Variants in SGCZ observed in about 807,000 individuals in gnomAD.
SGCZ encodes the protein zeta-sarcoglycan.
In SGCZ, 40 loss-of-function variants were observed where a neutral mutation model predicts 41.3. The ratio of observed to expected loss-of-function variants is 0.97; its 90% CI spans 0.75 to 1.26. The LOEUF is 1.26. SGCZ is among the 50% of genes most tolerant of loss of function. SGCZ has a pLI of 0.00. For missense variants in SGCZ, 552 were observed against 369.8 expected (o/e 1.49, Z -4.04); for synonymous variants, 206 against 137.5 (o/e 1.50, Z -3.49).
intron 1 of SGCZ, among the ~76,000 whole-genome samples, chr8:14,590,604 T>C (rs2117283483): frequency 6.6e-6 from 1 of 150,636 alleles, no homozygotes; most frequent in African/African-American, 2.4e-5. Flanking sequence ...TTAAAGTGTA[T>C]TTTATAACAA....
intron 3 of SGCZ, among the ~76,000 whole-genome samples, chr8:14,310,675 A>G (rs773985438): frequency 6.6e-6 from 1 of 152,110 alleles, no homozygotes; most frequent in Non-Finnish European, 1.5e-5. Flanking sequence ...GTGTACAGTG[A>G]ATTGTCTTTT....
At chr8:15,168,461 TC>T (rs1369042134) in intron 1 of SGCZ, among the ~76,000 whole-genome samples, 1 of 151,606 alleles carries the variant, frequency 6.6e-6, no homozygotes, top group East Asian at 1.9e-4. Flanking sequence ...ATTCTCTAGC[TC>T]CCCCCACAAC....
intron 1 of SGCZ, among the ~76,000 whole-genome samples, chr8:14,678,989 A>G (rs1435475052): frequency 6.6e-6 from 1 of 152,202 alleles, no homozygotes; most frequent in Non-Finnish European, 1.5e-5. Flanking sequence ...TCAAGGACAG[A>G]CAGCACGTAT....
Position 15,130,314 on chromosome 8 carries a change from T to C in SGCZ, c.39+107271A>G, listed in dbSNP as rs114718227. ...TAGGGGGAAGCCACTTGACGGGAAG[T>C]AATCTGCAGGCTCAGCACTTGGTGC... is the stretch of plus-strand genomic sequence containing the variant. On this transcript the variant is annotated intron_variant, in intron 1 of 7. Transcript: ENST00000382080. Among the ~76,000 whole-genome samples the C allele has an allele frequency of 4.7e-3, 714 of 152,290 alleles. 3 individuals carry two copies. The highest frequency in any genetic ancestry group is 0.017 in the African/African-American group (686 of 41,562).
chr8:14,586,546 T>C (rs1247770998), intron 1 of SGCZ, among the ~76,000 whole-genome samples: 1 of 152,136 alleles, frequency 6.6e-6, no homozygotes, highest in Non-Finnish European at 1.5e-5. Context: ...TTTTAAATAT[T>C]ATCATTTTAA....
At chr8:14,680,932 T>C (rs1218018160) in intron 1 of SGCZ, among the ~76,000 whole-genome samples, 1 of 68,686 alleles carries the variant, frequency 1.5e-5, no homozygotes, top group African/African-American at 8.3e-5. Flanking sequence ...ACTTGAAGAA[T>C]CCAAATGAAA....
At chr8:14,972,596 T>A (rs1478422654) in intron 1 of SGCZ, among the ~76,000 whole-genome samples, 2 of 152,200 alleles carry the variant, frequency 1.3e-5, no homozygotes, top group Non-Finnish European at 2.9e-5. Context: ...CTTAGTTGGA[T>A]TAACTGATTT....
intron 6 of SGCZ, among the ~76,000 whole-genome samples, chr8:14,106,481 C>A (rs1802207193): frequency 6.6e-6 from 1 of 152,016 alleles, no homozygotes; most frequent in Non-Finnish European, 1.5e-5. Context: ...AAATATTGTT[C>A]CCTAGCTTGT....
intron 4 of SGCZ, among the ~76,000 whole-genome samples, chr8:14,215,612 A>T (rs559212236): frequency 1.3e-5 from 2 of 152,240 alleles, no homozygotes; most frequent in South Asian, 4.1e-4. Context: ...CAAAGATGAA[A>T]AAAGAGAGAA....
chr8:14,127,753 G>A (rs1296046503), intron 5 of SGCZ, among the ~76,000 whole-genome samples: 2 of 152,124 alleles, frequency 1.3e-5, no homozygotes, highest in African/African-American at 2.4e-5. Context: ...ACCGCGCCTG[G>A]CCTGTTTTAG....
At chr8:14,330,146 A>C (rs1000565310) in intron 2 of SGCZ, among the ~76,000 whole-genome samples, 1 of 152,114 alleles carries the variant, frequency 6.6e-6, no homozygotes, top group African/African-American at 2.4e-5. Context: ...AATGTATCAT[A>C]TTCTGATTCT....
Position 14,216,554 on chromosome 8 carries a change from G to T in SGCZ, c.424+21038C>A, listed in dbSNP as rs116050060. Among the ~76,000 whole-genome samples the T allele has an allele frequency of 4.0e-3, 605 of 152,196 alleles. 4 individuals are homozygous for T. Among genetic ancestry groups the T allele is most frequent in the African/African-American group, 0.014 (578 of 41,510 alleles). On this transcript the variant is annotated intron_variant, in intron 4 of 7. Coordinates refer to ENST00000382080, the MANE Select transcript of SGCZ (RefSeq NM_139167.4). ...GGAAACAAAATCTAACATATCAAAA[G>T]AATCTTGCTCCATGACTTAGCGGGA...
intron 1 of SGCZ, among the ~76,000 whole-genome samples, chr8:14,968,791 T>A (rs977216010): frequency 7.2e-5 from 11 of 152,148 alleles, no homozygotes; most frequent in African/African-American, 2.7e-4. Flanking sequence ...ATATAAATTT[T>A]GTGATTTGAC....
At chr8:15,230,134 C>T (rs1257160946) in intron 1 of SGCZ, among the ~76,000 whole-genome samples, 6 of 149,776 alleles carry the variant, frequency 4.0e-5, no homozygotes, top group South Asian at 2.1e-4. Flanking sequence ...TATCAACCAA[C>T]GGTAATTTGA....
chr8:15,101,900 G>C (rs148048183), intron 1 of SGCZ, among the ~76,000 whole-genome samples: 54 of 152,264 alleles, frequency 3.5e-4, no homozygotes, highest in African/African-American at 1.3e-3. Context: ...ACTCCAGCCT[G>C]AGCAACAGAG....
At chr8:14,473,953 G>A (rs1013782298) in intron 2 of SGCZ, among the ~76,000 whole-genome samples, 1 of 134,006 alleles carries the variant, frequency 7.5e-6, no homozygotes, top group Non-Finnish European at 1.6e-5. Flanking sequence ...AAAAAAAAAA[G>A]TTTTTATGAA....
chr8:14,449,081 A>C (rs1442598692), intron 2 of SGCZ, among the ~76,000 whole-genome samples: 1 of 152,166 alleles, frequency 6.6e-6, no homozygotes, highest in African/African-American at 2.4e-5. Context: ...GATGCAAAAC[A>C]AGTCCTGCCA....
intron 2 of SGCZ, among the ~76,000 whole-genome samples, chr8:14,533,223 C>T (rs991932023): frequency 1.3e-5 from 2 of 151,838 alleles, no homozygotes; most frequent in African/African-American, 4.8e-5. Flanking sequence ...CAATTCCCAC[C>T]TATGAGTGAG....
At chr8:15,215,699 A>T (rs1429524412) in intron 1 of SGCZ, among the ~76,000 whole-genome samples, 1 of 152,228 alleles carries the variant, frequency 6.6e-6, no homozygotes, top group Non-Finnish European at 1.5e-5. Context: ...ACTTTTGCTA[A>T]GGCAGTCTGA....
Sources: allele counts gnomAD v4.1 joint callset (sites outside exome capture counted in the v4.1 genomes callset), GRCh38; gene constraint gnomAD v4.1.1; transcripts MANE v1.5; gene names NCBI Gene and HGNC (gene_info 2026-07-23, HGNC 2026-07-21).